VARS2: variants seen among roughly 807,000 people sequenced by gnomAD.
VARS2 encodes the protein valyl-tRNA synthetase 2, mitochondrial, also known as valine--tRNA ligase, mitochondrial.
In VARS2, 105 loss-of-function variants were observed where a neutral mutation model predicts 154.1. The observed-to-expected ratio is 0.68, with a 90% CI of 0.58 to 0.80. VARS2 has a LOEUF of 0.80. Among genes scored for constraint, VARS2 ranks in the 30% least tolerant of loss-of-function variants. The probability of loss-of-function intolerance (pLI) is 0.00; values close to 1 mark genes in which losing one functional copy is unlikely to be tolerated. For synonymous variants in VARS2, 483 were observed against 539.5 expected, an observed-to-expected ratio of 0.90 and a Z score of 1.45; for missense variants, 1,157 against 1,361.4, an observed-to-expected ratio of 0.85 and a Z score of 2.36.
chr6:30,924,117 A>G (rs1308861457), intron 25 of VARS2: 13 of 581,242 alleles, frequency 2.2e-5, no homozygotes, highest in African/African-American at 5.7e-5. Flanking sequence ...TTTTTCCCTA[A>G]ACTACATGTT....
Position 30,916,170 on chromosome 6 carries a change from C to T in VARS2, c.592C>T (p.Leu198=), listed in dbSNP as rs758655746. 40 of 1,613,870 alleles carry T rather than the reference C, an allele frequency of 2.5e-5. No homozygotes were observed. Among genetic ancestry groups the T allele is most frequent in the Admixed American group, 6.7e-5 (4 of 59,986 alleles). ...ACTGCAGGCTGTGGTGGAGAAACAA[C>T]TGTGGAAGGAACGGGGAGTGAGGAG... ...IATQAVVEKQ[L]WKERGVRRHE... The change falls in exon 7 of 30, where the codon CTG becomes TTG. Residue 198 remains leucine, a synonymous_variant. Coordinates refer to ENST00000676266, the MANE Select transcript of VARS2 (RefSeq NM_020442.6). This position sits in a 1 kb window ranked among gnomAD's most constrained non-coding sequence, Gnocchi z 4.0.
Position 30,919,820 on chromosome 6 carries a change from C to T in VARS2, c.1137C>T (p.Asp379=). The T allele has an allele frequency of 6.3e-7, 1 of 1,592,536 alleles. No individual in the cohort carries two copies. Residue 379 remains aspartate (D), a synonymous_variant, in exon 12 of 30, where the codon GAC becomes GAT. Coordinates refer to ENST00000676266, the MANE Select transcript of VARS2 (RefSeq NM_020442.6). The surrounding 1 kb of genome is among the most constrained non-coding windows in gnomAD (Gnocchi z 4.5). ...LMGQPLPLIT[D]YAVQPHVGTG... The stretch of plus-strand genomic sequence containing the variant: ...GGCAGCCTCTTCCCCTCATCACAGA[C>T]TATGCTGTTCAGCCACATGTGGGCA...
chr6:30,918,225 G>T (rs1343937307), intron 10 of VARS2, among the ~76,000 whole-genome samples: 1 of 152,098 alleles, frequency 6.6e-6, no homozygotes, highest in Non-Finnish European at 1.5e-5. Context: ...GTGCCACCAG[G>T]CCTGGCTAAT....
At chr6:30,915,090 A>T (rs1035943388) in intron 2 of VARS2, 53 bp downstream of exon 2, 1 of 1,611,110 alleles carries the variant, frequency 6.2e-7, no homozygotes, top group Non-Finnish European at 8.5e-7. Flanking sequence ...GAGGGGCTGG[A>T]GGAGACCGGC....
rs368598793 is a variant in VARS2 at position 30,916,993 on chromosome 6, T to C, written c.753+34T>C. 1.7e-5 allele frequency: 27 copies of C among 1,613,544 alleles called. No homozygotes were observed. Among genetic ancestry groups the C allele is most frequent in the Non-Finnish European group, 2.1e-5 (25 of 1,179,642 alleles). Reference sequence around the variant, plus strand: ...TCTGTGCCTTGGTCCCTGTGAGTGATGGGCGATGTTTAGGGATCTGTGTGG... The same window carrying C: ...TCTGTGCCTTGGTCCCTGTGAGTGACGGGCGATGTTTAGGGATCTGTGTGG... On this transcript the variant is annotated intron_variant, in intron 8 of 29. Transcript: ENST00000676266. The surrounding 1 kb of genome is among the most constrained non-coding windows in gnomAD (Gnocchi z 4.0).
chr6:30,915,380 A>T lies in VARS2; in HGVS notation c.309A>T (p.Ala103=). 2 of 1,614,198 alleles carry T rather than the reference A, an allele frequency of 1.2e-6. No individual in the cohort carries two copies. Among genetic ancestry groups the T allele is most frequent in the South Asian group, 2.2e-5 (2 of 91,082 alleles). Residue 103 remains alanine, a synonymous_variant, in exon 4 of 30, where the codon GCA becomes GCT. Coordinates refer to ENST00000676266, the MANE Select transcript of VARS2 (RefSeq NM_020442.6). ...KKDVSGPLPP[A]YSPRYVEAAW... ...ATGTCTCTGGGCCCCTGCCTCCTGC[A>T]TACAGCCCCCGATATGTTGAGGCTG...
At position 30,919,032 on chromosome 6, in the gene VARS2, C is replaced by G; in HGVS notation, c.1074+117C>G. On this transcript the variant is annotated intron_variant, in intron 11 of 29. Transcript: ENST00000676266. This position sits in a 1 kb window ranked among gnomAD's most constrained non-coding sequence, Gnocchi z 4.5. ...TCTACTTCCTTTTCCTGAGACTTCT[C>G]TCAGTGGTTCTGATTGGACTCCCTC... 1.1e-6 allele frequency: 1 copy of G among 927,124 alleles called. No individual in the cohort carries two copies. The highest frequency in any genetic ancestry group is 1.7e-6 in the Non-Finnish European group (1 of 598,106). 57.4% of individuals were successfully genotyped at this position (927,124 alleles called of 1,614,324 possible).
At position 30,917,463 on chromosome 6, in the gene VARS2, A is replaced by G. The variant is rs1402585405; in HGVS notation, c.874-232A>G. Among the ~76,000 whole-genome samples, 2 of 152,264 alleles carry G rather than the reference A, an allele frequency of 1.3e-5. No homozygotes were observed. The highest frequency in any genetic ancestry group is 2.1e-4 in the South Asian group (1 of 4,838). On this transcript the variant is annotated intron_variant, in intron 9 of 29. Transcript: ENST00000676266. This position sits in a 1 kb window ranked among gnomAD's most constrained non-coding sequence, Gnocchi z 4.4. The stretch of plus-strand genomic sequence containing the variant: ...TTGTAAAAATTAAATGAGAATTCAC[A>G]TAGGTGCTTGGCAAGATACCTGGCC...
At position 30,915,240 on chromosome 6, in the gene VARS2, A is replaced by G. The variant is rs367960344; in HGVS notation, c.283+3A>G. 1.9e-4 allele frequency: 300 copies of G among 1,613,890 alleles called. 1 individual carries two copies. Among genetic ancestry groups the G allele is most frequent in the Non-Finnish European group, 2.3e-4 (276 of 1,179,836 alleles). Reference sequence around the variant, plus strand: ...TACGAAACCCGGTGAAAAGAAAGGTAAGTAGAATAAGTAAGAAGGCCTTTT... The same window carrying G: ...TACGAAACCCGGTGAAAAGAAAGGTGAGTAGAATAAGTAAGAAGGCCTTTT... On this transcript the variant is annotated splice_donor_region_variant and intron_variant, in intron 3 of 29. Coordinates refer to ENST00000676266, the MANE Select transcript of VARS2 (RefSeq NM_020442.6).
chr6:30,914,322 T>C lies in VARS2; in HGVS notation c.-50T>C. On this transcript the variant is annotated 5_prime_UTR_variant, in exon 1 of 30. Coordinates refer to ENST00000676266, the MANE Select transcript of VARS2 (RefSeq NM_020442.6). ...CAGTCCCTGCCGCCGCGGGGCGCCC[T>C]GGGATAGCGGCGGGGCCTCCTGGTG... 8.4e-7 allele frequency: 1 copy of C among 1,184,756 alleles called. No homozygotes were observed. Among genetic ancestry groups the C allele is most frequent in the Non-Finnish European group, 1.1e-6 (1 of 941,064 alleles). The allele number at this position is 1,184,756 out of a possible 1,614,324, so 73.4% of individuals were successfully genotyped here. A position where few individuals can be genotyped will look rare whatever the true frequency, so the allele number is the denominator to read the frequency against.
At chr6:30,915,553 GTCT>G in intron 4 of VARS2, 98 bp downstream of exon 4, 1 of 1,459,744 alleles carries the variant, frequency 6.9e-7, no homozygotes, top group Non-Finnish European at 9.4e-7. Context: ...TGTAGACCTT[GTCT>G]TCTTTCTGGC....
At chr6:30,918,786 G>A in intron 10 of VARS2, 41 bp from the exon 11 acceptor site, 1 of 1,221,610 alleles carries the variant, frequency 8.2e-7, no homozygotes, top group Non-Finnish European at 1.2e-6. Flanking sequence ...TGAGAGGTGA[G>A]GATGATGACC....
intron 5 of VARS2, 30 bp downstream of exon 5, chr6:30,915,897 C>G (rs1794130430): frequency 1.9e-6 from 3 of 1,613,792 alleles, no homozygotes; most frequent in Non-Finnish European, 2.5e-6. Flanking sequence ...TGCTTGAGTT[C>G]TTGGAAGGGA....
Position 30,915,404 on chromosome 6 carries a change from T to A in VARS2, c.333T>A (p.Ala111=), listed in dbSNP as rs1243070033. 6.2e-7 allele frequency: 1 copy of A among 1,614,210 alleles called. No homozygotes were observed. The highest frequency in any genetic ancestry group is 8.5e-7 in the Non-Finnish European group (1 of 1,180,032). ...CATACAGCCCCCGATATGTTGAGGC[T>A]GCCTGGTACCCGTGGTGGGTACGAG... ...PPAYSPRYVE[A]AWYPWWVREG... is the part of the protein sequence containing the mutation. The change falls in exon 4 of 30, where the codon GCT becomes GCA. Residue 111 remains alanine, a synonymous_variant. Transcript: ENST00000676266.
In VARS2 at chr6:30,923,925, C is replaced by T. The variant is rs535128048; in HGVS notation, c.2466+420C>T. ...CCTGGAGGGCTTGTTGACGGTGGAT[C>T]CCCCCCGCTCCACTGCCACCCCAGA... On this transcript the variant is annotated intron_variant, in intron 25 of 29. Transcript: ENST00000676266. 1.6e-3 allele frequency: 508 copies of T among 324,452 alleles called. 4 individuals are homozygous for T. The highest frequency in any genetic ancestry group is 0.01 in the African/African-American group (465 of 45,422). The allele number at this position is 324,452 out of a possible 1,614,324, so 20.1% of individuals were successfully genotyped here.
Position 30,921,316 on chromosome 6 carries a change from A to G in VARS2, c.1632+11A>G. On this transcript the variant is annotated intron_variant, in intron 17 of 29. Coordinates refer to ENST00000676266, the MANE Select transcript of VARS2 (RefSeq NM_020442.6). This position sits in a 1 kb window ranked among gnomAD's most constrained non-coding sequence, Gnocchi z 4.6. ...GAGGACCATGCGCAGGTGGGTAGGA[A>G]GAAGCACCCGGAGGGCCGAGTGTGG... 1.2e-6 allele frequency: 2 copies of G among 1,614,118 alleles called. No homozygotes were observed. The highest frequency in any genetic ancestry group is 1.7e-6 in the Non-Finnish European group (2 of 1,179,988).
In VARS2 at chr6:30,914,268, C is replaced by A. The variant is rs986140335; in HGVS notation, c.-104C>A. On this transcript the variant is annotated 5_prime_UTR_variant, in exon 1 of 30. Transcript: ENST00000676266. ...CATGCGCCGCGCGGCTCCAGGGCCACGTTCCAGGGTCGGGTTTGGTGGATT... is the reference window on the plus strand; with the variant it reads ...CATGCGCCGCGCGGCTCCAGGGCCAAGTTCCAGGGTCGGGTTTGGTGGATT... 6 of 870,776 alleles carry A rather than the reference C, an allele frequency of 6.9e-6. No homozygotes were observed. Among genetic ancestry groups the A allele is most frequent in the Admixed American group, 8.6e-5 (2 of 23,308 alleles). The allele number at this position is 870,776 out of a possible 1,614,324, so 53.9% of individuals were successfully genotyped here.
rs1794141518 is a variant in VARS2, at chr6:30,916,010, G to T, written c.536G>T (p.Trp179Leu). ...WHRMRGDQVL[W>L]VPGSDHAGIA... is the part of the protein sequence containing the mutation. ...CGGATGCGTGGGGATCAAGTGCTGT[G>T]GGTCCCTGGTTCAGATCATGCAGGA... Residue 179 changes from tryptophan (W) to leucine (L), a missense_variant, in exon 6 of 30, where the codon TGG (tryptophan) becomes TTG (leucine). Trp to Leu is a moderately conservative substitution (Grantham distance 61, BLOSUM62 -2). Coordinates refer to ENST00000676266, the MANE Select transcript of VARS2 (RefSeq NM_020442.6). The surrounding 1 kb of genome is among the most constrained non-coding windows in gnomAD (Gnocchi z 4.0). 1.9e-6 allele frequency: 3 copies of T among 1,614,006 alleles called. No individual in the cohort carries two copies. Among genetic ancestry groups the T allele is most frequent in the Non-Finnish European group, 2.5e-6 (3 of 1,179,902 alleles).
chr6:30,924,104 A>AT (rs1391807262), intron 25 of VARS2: 4 of 574,866 alleles, frequency 7.0e-6, no homozygotes, highest in South Asian at 6.3e-5. Flanking sequence ...AAACTCAATG[A>AT]TTTTTTTCCC....
Sources: gnomAD v4.1 joint callset for allele counts (sites outside exome capture counted in the v4.1 genomes callset) on GRCh38, gnomAD v4.1.1 for gene constraint, Gnocchi (gnomAD v3.1) non-coding constraint, MANE v1.5 for transcripts, NCBI Gene and HGNC (gene_info 2026-07-23, HGNC 2026-07-21) for gene names.